Variants in MYPN observed in about 807,000 individuals in gnomAD.
The protein encoded by MYPN is sarcomeric protein myopalladin, 145 kDa (MYOP).
Under a neutral mutation model 129.4 loss-of-function variants are expected in MYPN, and 63 were observed. The observed-to-expected ratio is 0.49, with a 90% CI of 0.40 to 0.60. The LOEUF is 0.60. Among genes scored for constraint, MYPN ranks in the 20% least tolerant of loss-of-function variants. The probability of loss-of-function intolerance (pLI) is 0.00; values close to 1 mark genes in which losing one functional copy is unlikely to be tolerated. For missense variants in MYPN, 1,596 were observed against 1,635.4 expected (o/e 0.98, Z 0.42); for synonymous variants, 629 against 600.9 (o/e 1.05, Z -0.68).
At chr10:68,167,065 G>A (rs1589579023) in intron 10 of MYPN, among the ~76,000 whole-genome samples, 1 of 151,900 alleles carries the variant, frequency 6.6e-6, no homozygotes, top group South Asian at 2.1e-4. Flanking sequence ...ACCAAAAAGG[G>A]GAATTCCCAA....
At chr10:68,164,078 A>G (rs10997965) in intron 8 of MYPN, among the ~76,000 whole-genome samples, 60,705 of 152,022 alleles carry the variant, frequency 0.4, 14,109 homozygotes, top group Non-Finnish European at 0.52. Flanking sequence ...TAGGAGGATG[A>G]AGAGTTACTG....
In MYPN at chr10:68,148,419, C is replaced by A. The variant is rs760498802; in HGVS notation, c.1197C>A (p.Pro399=). The stretch of plus-strand genomic sequence containing the variant: ...CTGCAGTCATTCCTCCAGCAGTACC[C>A]CAAGCCCAGCATTTGGTGGCCCAAC... ...TTSAVIPPAV[P]QAQHLVAQPR... is the part of the protein sequence containing the mutation. Residue 399 remains proline, a synonymous_variant, in exon 5 of 20, where the codon CCC becomes CCA. Transcript: ENST00000358913. 4 of 1,614,118 alleles carry A rather than the reference C, an allele frequency of 2.5e-6. No homozygotes were observed. Among genetic ancestry groups the A allele is most frequent in the Non-Finnish European group, 3.4e-6 (4 of 1,180,002 alleles).
intron 1 of MYPN, among the ~76,000 whole-genome samples, chr10:68,113,668 G>C (rs1378477684): frequency 6.7e-6 from 1 of 149,584 alleles, no homozygotes; most frequent in Non-Finnish European, 1.5e-5. Context: ...CTATACCCCA[G>C]CCTGGGTGAC....
intron 17 of MYPN, among the ~76,000 whole-genome samples, chr10:68,201,601 C>T (rs2043712328): frequency 7.1e-6 from 1 of 140,112 alleles, no homozygotes; most frequent in Admixed American, 7.2e-5. Context: ...ACCCCTATCT[C>T]TCCTAAAAAT....
chr10:68,140,274 G>A (rs1393096141), intron 2 of MYPN, among the ~76,000 whole-genome samples: 1 of 152,156 alleles, frequency 6.6e-6, no homozygotes, highest in Non-Finnish European at 1.5e-5. Flanking sequence ...AAATATGGAT[G>A]ATGGCCCAAA....
intron 1 of MYPN, among the ~76,000 whole-genome samples, chr10:68,117,793 A>AATT (rs1026289548): frequency 4.7e-5 from 7 of 150,396 alleles, no homozygotes; most frequent in Non-Finnish European, 1.0e-4. Context: ...TAATAATAAT[A>AATT]ATTATTATTA....
chr10:68,189,468 T>C (rs532438205), intron 13 of MYPN, among the ~76,000 whole-genome samples: 25 of 152,320 alleles, frequency 1.6e-4, no homozygotes, highest in African/African-American at 5.8e-4. Flanking sequence ...ATTTCTTCTA[T>C]CTAACTGTGT....
chr10:68,125,095 A>G lies in MYPN; in HGVS notation c.902+2755A>G, dbSNP rs774556083. On this transcript the variant is annotated intron_variant, in intron 2 of 19. Transcript: ENST00000358913. ...GTCTCATCCTACTCATTTTTCAACCATGACAATCTCAGATACAAGAATGAA... is the reference window on the plus strand; with the variant it reads ...GTCTCATCCTACTCATTTTTCAACCGTGACAATCTCAGATACAAGAATGAA... 1.3e-5 allele frequency among the ~76,000 whole-genome samples: 2 copies of G among 152,226 alleles called. 1 individual carries two copies. The highest frequency in any genetic ancestry group is 4.1e-4 in the South Asian group (2 of 4,832).
intron 16 of MYPN, 122 bp from the exon 17 acceptor site, chr10:68,199,246 T>G: frequency 1.1e-6 from 1 of 931,270 alleles, no homozygotes; most frequent in Non-Finnish European, 1.7e-6. Context: ...ACAGAGAGGT[T>G]TCTCATCACT....
chr10:68,209,744 G>T (rs1279376054), intron 19 of MYPN, among the ~76,000 whole-genome samples: 1 of 149,650 alleles, frequency 6.7e-6, no homozygotes, highest in Non-Finnish European at 1.5e-5. Flanking sequence ...AGGTGAAGTG[G>T]CATGCCTTGG....
chr10:68,137,121 CA>C (rs1013479875), intron 2 of MYPN, among the ~76,000 whole-genome samples: 15 of 151,510 alleles, frequency 9.9e-5, no homozygotes, highest in Non-Finnish European at 1.8e-4. Flanking sequence ...AACATGTTAA[CA>C]AAAAAAATTT....
intron 2 of MYPN, among the ~76,000 whole-genome samples, chr10:68,142,336 T>C (rs151201717): frequency 1.3e-3 from 200 of 152,322 alleles, no homozygotes; most frequent in African/African-American, 4.5e-3. Context: ...TAGGCTGTAA[T>C]AAAAATTTCT....
At chr10:68,106,542 G>A (rs755159830), upstream of MYPN, 4 of 667,576 alleles carry the variant, frequency 6.0e-6, no homozygotes, top group African/African-American at 5.4e-5. Context: ...CGGCATAGAG[G>A]TTTTGTTTAG....
intron 18 of MYPN, among the ~76,000 whole-genome samples, chr10:68,203,096 T>G (rs1292290062): frequency 6.6e-6 from 1 of 152,056 alleles, no homozygotes; most frequent in African/African-American, 2.4e-5. Flanking sequence ...TGGGACCGGG[T>G]GATTGCTCAG....
chr10:68,180,622 T>C (rs2043299944), intron 12 of MYPN, among the ~76,000 whole-genome samples: 1 of 152,230 alleles, frequency 6.6e-6, no homozygotes, highest in African/African-American at 2.4e-5. Context: ...TTGGGAACAC[T>C]TTGAGCAGGT....
At chr10:68,175,558 G>A in intron 12 of MYPN, 97 bp downstream of exon 12, 1 of 1,349,064 alleles carries the variant, frequency 7.4e-7, no homozygotes, top group Non-Finnish European at 1.1e-6. Context: ...ACCTCAGTGA[G>A]GCTGATGTTG....
chr10:68,119,112 C>A (rs1443693054), intron 1 of MYPN, among the ~76,000 whole-genome samples: 1 of 152,002 alleles, frequency 6.6e-6, no homozygotes, highest in Non-Finnish European at 1.5e-5. Flanking sequence ...ACATTTTGCA[C>A]CTTATTTCAT....
At chr10:68,092,207 T>C (rs1364290815) in intron 1 of MYPN, among the ~76,000 whole-genome samples, 1 of 152,162 alleles carries the variant, frequency 6.6e-6, no homozygotes, top group Non-Finnish European at 1.5e-5. Context: ...ATGTATGTTG[T>C]TGGCCGGGTG....
intron 1 of MYPN, among the ~76,000 whole-genome samples, chr10:68,116,626 C>A (rs2042161085): frequency 6.6e-6 from 1 of 152,028 alleles, no homozygotes; most frequent in African/African-American, 2.4e-5. Context: ...ATCCCAGCCA[C>A]TTGGGAGGCT....
Sources: gnomAD v4.1 joint callset for allele counts (sites outside exome capture counted in the v4.1 genomes callset) on GRCh38, gnomAD v4.1.1 for gene constraint, MANE v1.5 for transcripts, NCBI Gene and HGNC (gene_info 2026-07-23, HGNC 2026-07-21) for gene names.